Variants in KCNN2 observed in about 807,000 individuals in gnomAD.
KCNN2 encodes the protein small conductance calcium-activated potassium channel protein 2.
A neutral mutation model predicts 55.5 loss-of-function variants in KCNN2; 24 were observed. The observed-to-expected ratio is 0.43, with a 90% CI of 0.31 to 0.61. The LOEUF (loss-of-function observed/expected upper bound fraction) is 0.61, where lower values mean the gene tolerates loss of function less well. KCNN2 is among the 20% of genes least tolerant of loss of function. The probability of loss-of-function intolerance (pLI) is 0.08; values close to 1 mark genes in which losing one functional copy is unlikely to be tolerated. For synonymous variants in KCNN2, 431 were observed against 336.1 expected (o/e 1.28, Z -3.09); for missense variants, 754 against 853.6 (o/e 0.88, Z 1.45).
chr5:114,164,926 G>A (rs533852014), intron 1 of KCNN2, among the ~76,000 whole-genome samples: 22 of 152,154 alleles, frequency 1.4e-4, no homozygotes, highest in East Asian at 7.7e-4. Context: ...TTTTTTGCAC[G>A]TAATAATTAA....
At chr5:114,118,006 A>T (rs1233785589) in intron 1 of KCNN2, among the ~76,000 whole-genome samples, 1 of 152,170 alleles carries the variant, frequency 6.6e-6, no homozygotes, top group Non-Finnish European at 1.5e-5. Context: ...TCAAACAGAT[A>T]TAGCTACAAA....
rs1309590184 is a variant in KCNN2, at chr5:114,449,908, A to ACACACACACACACACGCG, written c.1638-13140_1638-13139insACACACACACACACGCGC. 7.7e-3 allele frequency among the ~76,000 whole-genome samples: 512 copies of ACACACACACACACACGCG among 66,096 alleles called. 2 individuals carry two copies. Among genetic ancestry groups the ACACACACACACACACGCG allele is most frequent in the African/African-American group, 0.017 (488 of 28,622 alleles). The allele number at this position is 66,096 out of a possible 152,430, so 43.4% of individuals were successfully genotyped here. The stretch of plus-strand genomic sequence containing the variant: ...CACACACACACACACACACACACAC[A>ACACACACACACACACGCG]CGCGCGCGCTCGCGTGCGCGCACTC... On this transcript the variant is annotated intron_variant, in intron 3 of 7. Coordinates refer to ENST00000673685, the MANE Select transcript of KCNN2 (RefSeq NM_021614.4).
chr5:114,170,130 ATAAT>A (rs1370780710), intron 1 of KCNN2, among the ~76,000 whole-genome samples: 2 of 152,126 alleles, frequency 1.3e-5, no homozygotes, highest in African/African-American at 4.8e-5. Flanking sequence ...ACCTCAACAG[ATAAT>A]TGATTGCTAC....
chr5:114,345,030 A>T (rs1246625886), intron 2 of KCNN2, among the ~76,000 whole-genome samples: 1 of 152,168 alleles, frequency 6.6e-6, no homozygotes, highest in Non-Finnish European at 1.5e-5. Flanking sequence ...AAGGTTACTC[A>T]TTTCAGCATT....
chr5:114,450,119 G>A (rs766833540), intron 3 of KCNN2, among the ~76,000 whole-genome samples: 8 of 152,200 alleles, frequency 5.3e-5, no homozygotes, highest in East Asian at 1.9e-4. Flanking sequence ...CTGAGGTGCC[G>A]TGCATCCGTC....
chr5:114,420,537 GA>G (rs1175721610), intron 3 of KCNN2, among the ~76,000 whole-genome samples: 3 of 152,086 alleles, frequency 2.0e-5, no homozygotes, highest in African/African-American at 7.2e-5. Context: ...TTTCTTATAG[GA>G]GTCTCTACTA....
intron 1 of KCNN2, among the ~76,000 whole-genome samples, chr5:114,153,064 A>C (rs1380223760): frequency 1.3e-5 from 2 of 152,148 alleles, no homozygotes; most frequent in Non-Finnish European, 2.9e-5. Context: ...GTGAGACAAG[A>C]CTAAAACACG....
At chr5:114,376,954 C>T (rs942915839) in intron 2 of KCNN2, among the ~76,000 whole-genome samples, 1 of 152,026 alleles carries the variant, frequency 6.6e-6, no homozygotes. Flanking sequence ...CTTAGCTGGG[C>T]GTGGTGGTGC....
intron 1 of KCNN2, among the ~76,000 whole-genome samples, chr5:114,121,121 C>T (rs942395068): frequency 5.3e-5 from 8 of 152,200 alleles, no homozygotes; most frequent in Admixed American, 3.9e-4. Context: ...CATGGGCCTC[C>T]GTCTCCTTTT....
intron 2 of KCNN2, among the ~76,000 whole-genome samples, chr5:114,239,968 G>T (rs185920946): frequency 6.6e-6 from 1 of 151,984 alleles, no homozygotes; most frequent in African/African-American, 2.4e-5. Flanking sequence ...AAGGTAATTC[G>T]TATATTATTG....
intron 2 of KCNN2, among the ~76,000 whole-genome samples, chr5:114,225,743 A>G (rs1420724600): frequency 6.6e-6 from 1 of 152,206 alleles, no homozygotes; most frequent in Non-Finnish European, 1.5e-5. Context: ...TCTAAAAGGG[A>G]CAAAATTTCA....
At chr5:114,307,538 G>C (rs1756309254) in intron 2 of KCNN2, among the ~76,000 whole-genome samples, 1 of 152,118 alleles carries the variant, frequency 6.6e-6, no homozygotes, top group African/African-American at 2.4e-5. Flanking sequence ...GTAAAACCCA[G>C]TGCCATGGTC....
At chr5:114,447,031 GCA>G (rs778461492) in intron 3 of KCNN2, among the ~76,000 whole-genome samples, 23 of 152,178 alleles carry the variant, frequency 1.5e-4, no homozygotes, top group Non-Finnish European at 2.6e-4. Flanking sequence ...GTGTTGCACA[GCA>G]CAGATATTGA....
At chr5:114,491,847 GTT>G (rs1273514000) in intron 6 of KCNN2, among the ~76,000 whole-genome samples, 2 of 151,942 alleles carry the variant, frequency 1.3e-5, no homozygotes, top group African/African-American at 4.8e-5. Flanking sequence ...ATGTCTAAGT[GTT>G]CTTTTTAGGG....
chr5:114,135,314 C>G (rs1211878285), intron 1 of KCNN2, among the ~76,000 whole-genome samples: 1 of 152,056 alleles, frequency 6.6e-6, no homozygotes, highest in African/African-American at 2.4e-5. Context: ...TACTCCAACC[C>G]GATAGTAAAT....
intron 3 of KCNN2, 34 bp from the exon 4 acceptor site, chr5:114,463,015 T>A: frequency 6.3e-7 from 1 of 1,598,732 alleles, no homozygotes. Flanking sequence ...TGGAGATTAA[T>A]TATAAAGGAC....
chr5:114,126,253 A>G (rs1206305042), intron 1 of KCNN2, among the ~76,000 whole-genome samples: 1 of 152,102 alleles, frequency 6.6e-6, no homozygotes, highest in Non-Finnish European at 1.5e-5. Flanking sequence ...TCACTATATT[A>G]CTCTGTTCTC....
At chr5:114,165,422 C>T (rs752678847) in intron 1 of KCNN2, among the ~76,000 whole-genome samples, 2 of 152,156 alleles carry the variant, frequency 1.3e-5, no homozygotes, top group African/African-American at 2.4e-5. Context: ...TATTTATGAT[C>T]TTACGGCCAC....
chr5:114,345,906 G>T (rs1248147608), intron 2 of KCNN2, among the ~76,000 whole-genome samples: 2 of 152,106 alleles, frequency 1.3e-5, no homozygotes, highest in Non-Finnish European at 2.9e-5. Flanking sequence ...TCGGCATCCC[G>T]AGTAGCTGAG....
Sources: allele counts gnomAD v4.1 joint callset (sites outside exome capture counted in the v4.1 genomes callset), GRCh38; gene constraint gnomAD v4.1.1; transcripts MANE v1.5; gene names NCBI Gene and HGNC (gene_info 2026-07-23, HGNC 2026-07-21).